The following DHX36 variants were observed in gnomAD, a reference collection of about 807,000 sequenced individuals.
DHX36 encodes ATP-dependent DNA/RNA helicase DHX36.
In DHX36, 50 loss-of-function variants were observed where a neutral mutation model predicts 139.0. The observed-to-expected ratio is 0.36, with a 90% CI of 0.29 to 0.46. DHX36 has a LOEUF of 0.46. Among genes scored for constraint, DHX36 ranks in the 20% least tolerant of loss-of-function variants. The pLI is 1.00. For synonymous variants in DHX36, 425 were observed against 401.9 expected (o/e 1.06, Z -0.69); for missense variants, 1,024 against 1,211.3 (o/e 0.85, Z 2.29).
At chr3:154,277,393 C>T (rs371111684) in intron 23 of DHX36, among the ~76,000 whole-genome samples, 2 of 151,942 alleles carry the variant, frequency 1.3e-5, no homozygotes, top group East Asian at 1.9e-4. Context: ...AATAACTGTC[C>T]TAACTAATTA....
intron 22 of DHX36, 195 bp from the exon 23 acceptor site, chr3:154,277,913 C>A: frequency 2.4e-6 from 1 of 410,580 alleles, no homozygotes; most frequent in East Asian, 3.9e-5. Flanking sequence ...AGCATAATTT[C>A]CTTAAAAATA....
intron 1 of DHX36, among the ~76,000 whole-genome samples, chr3:154,318,536 G>A (rs552221785): frequency 1.2e-4 from 18 of 151,338 alleles, no homozygotes; most frequent in African/African-American, 3.6e-4. Context: ...TGAATTACTG[G>A]ATAACATAAC....
chr3:154,310,028 G>A (rs898612752), intron 4 of DHX36, among the ~76,000 whole-genome samples: 18 of 152,086 alleles, frequency 1.2e-4, no homozygotes, highest in Non-Finnish European at 1.9e-4. Flanking sequence ...AAAGAACAAA[G>A]CCAAAGCACT....
chr3:154,281,965 C>T (rs920956947), intron 20 of DHX36, among the ~76,000 whole-genome samples: 2 of 152,160 alleles, frequency 1.3e-5, no homozygotes, highest in Non-Finnish European at 2.9e-5. Context: ...AGCATTTCAC[C>T]GTCAATGGGC....
intron 1 of DHX36, 99 bp from the exon 2 acceptor site, chr3:154,316,262 C>T: frequency 7.0e-7 from 1 of 1,435,182 alleles, no homozygotes; most frequent in East Asian, 2.4e-5. Context: ...AATATATGTT[C>T]AACAAATACA....
rs184678926 is a variant in DHX36 at position 154,315,961 on chromosome 3, G to A, written c.368+78C>T. 1.1e-4 allele frequency: 160 copies of A among 1,457,698 alleles called. 1 individual carries two copies. In the African/African-American group the frequency reaches 1.9e-3, roughly 18 times the overall value. The allele number at this position is 1,457,698 out of a possible 1,614,324, so 90.3% of individuals were successfully genotyped here. ...ACGTAAAGGTTAAAATTCACTTATC[G>A]AAGAAAATAAAGATGTTATTTTTAT... On this transcript the variant is annotated intron_variant, in intron 2 of 24. Coordinates refer to ENST00000496811, the MANE Select transcript of DHX36 (RefSeq NM_020865.3).
chr3:154,315,278 T>C lies in DHX36; in HGVS notation c.371A>G (p.Tyr124Cys), dbSNP rs138481688. 7.5e-6 allele frequency: 12 copies of C among 1,603,974 alleles called. No homozygotes were observed. In the Admixed American group the frequency reaches 2.1e-4, roughly 27 times the overall value. ...ISWFAPEDHG[Y>C]GTEVSTKNTP... ...GTTCTTAGTAGAAACTTCAGTACCG[T>C]ATCTGTTTTGACAAAATAAGAAAGG... The change falls in exon 3 of 25, where the codon TAC (tyrosine) becomes TGC (cysteine). Residue 124 changes from tyrosine to cysteine, a missense_variant and splice_region_variant. By Grantham distance (194) the Tyr-to-Cys change is radical. Transcript: ENST00000496811.
chr3:154,289,001 A>G, intron 16 of DHX36, 37 bp from the exon 17 acceptor site: 2 of 1,030,802 alleles, frequency 1.9e-6, no homozygotes, highest in Non-Finnish European at 1.4e-6. Flanking sequence ...AATACATATA[A>G]TATTAATATA....
In DHX36 at chr3:154,324,402, G is replaced by A. The variant is rs1311363345; in HGVS notation, c.15C>T (p.Tyr5=). 1 of 1,557,614 alleles carries A rather than the reference G, an allele frequency of 6.4e-7. No individual in the cohort carries two copies. Among genetic ancestry groups the A allele is most frequent in the South Asian group, 1.2e-5 (1 of 84,004 alleles). ...CCCCATCACGGCCCCAGTTCTGATGGTAGTCATAACTCATTGTCCTGGCAG... is the reference window on the plus strand; with the variant it reads ...CCCCATCACGGCCCCAGTTCTGATGATAGTCATAACTCATTGTCCTGGCAG... MSYD[Y]HQNWGRDGGP... is the part of the protein sequence containing the mutation. The change falls in exon 1 of 25, where the codon TAC becomes TAT. Residue 5 remains tyrosine, a synonymous_variant. Transcript: ENST00000496811.
rs114694133 is a variant in DHX36 at position 154,306,772 on chromosome 3, T to C, written c.814-477A>G. Among the ~76,000 whole-genome samples the C allele has an allele frequency of 3.6e-3, 544 of 152,276 alleles. 3 individuals are homozygous for C. The highest frequency in any genetic ancestry group is 4.6e-3 in the Non-Finnish European group (311 of 67,982). ...GGAAAGATGAAATGTTATAATCTAA[T>C]ACTGATTTGTACAACTAAAAGTAAC... On this transcript the variant is annotated intron_variant, in intron 5 of 24. Transcript: ENST00000496811.
chr3:154,281,691 A>T (rs1719340924), intron 20 of DHX36, among the ~76,000 whole-genome samples: 2 of 152,150 alleles, frequency 1.3e-5, no homozygotes, highest in South Asian at 4.1e-4. Flanking sequence ...GTTATATTTA[A>T]GTATATATCC....
chr3:154,315,264 A>G lies in DHX36; in HGVS notation c.385T>C (p.Ser129Pro). Residue 129 changes from serine to proline, a missense_variant, in exon 3 of 25, where the codon TCT (serine) becomes CCT (proline). By Grantham distance (74) the Ser-to-Pro change is moderately conservative (BLOSUM62 -1). Transcript: ENST00000496811. ...PEDHGYGTEV[S>P]TKNTPCSENK... Reference sequence around the variant, plus strand: ...TCTGAGCATGGTGTGTTCTTAGTAGAAACTTCAGTACCGTATCTGTTTTGA... The same window carrying G: ...TCTGAGCATGGTGTGTTCTTAGTAGGAACTTCAGTACCGTATCTGTTTTGA... 1 of 1,612,114 alleles carries G rather than the reference A, an allele frequency of 6.2e-7. No homozygotes were observed. Among genetic ancestry groups the G allele is most frequent in the Non-Finnish European group, 8.5e-7 (1 of 1,179,210 alleles).
chr3:154,286,177 A>AG (rs1559946798), intron 17 of DHX36, among the ~76,000 whole-genome samples: 1 of 128,200 alleles, frequency 7.8e-6, no homozygotes, highest in Admixed American at 8.3e-5. Context: ...AAAAAAAAAA[A>AG]AAAAAAAAAA....
At chr3:154,300,866 C>G in intron 10 of DHX36, 121 bp downstream of exon 10, 1 of 1,414,478 alleles carries the variant, frequency 7.1e-7, no homozygotes, top group Non-Finnish European at 9.8e-7. Context: ...ATATTTAGCT[C>G]GAATAAGAGA....
chr3:154,313,459 T>G (rs944960337), intron 3 of DHX36, among the ~76,000 whole-genome samples: 1 of 152,082 alleles, frequency 6.6e-6, no homozygotes, highest in African/African-American at 2.4e-5. Flanking sequence ...GTAGGAGGAT[T>G]GCTTGAGCCC....
In DHX36 at chr3:154,283,274, A is replaced by T; in HGVS notation, c.2293-3T>A. ...CGTCGCCTAGCCTCTTCCCAGCCCTATGGGGCAAAGAAATGAAGAAATCTA... is the reference window on the plus strand; with the variant it reads ...CGTCGCCTAGCCTCTTCCCAGCCCTTTGGGGCAAAGAAATGAAGAAATCTA... On this transcript the variant is annotated splice_polypyrimidine_tract_variant and splice_region_variant and intron_variant, in intron 19 of 24. Coordinates refer to ENST00000496811, the MANE Select transcript of DHX36 (RefSeq NM_020865.3). The T allele has an allele frequency of 1.2e-6, 2 of 1,603,928 alleles. No homozygotes were observed. The highest frequency in any genetic ancestry group is 2.7e-5 in the African/African-American group (2 of 74,856).
chr3:154,275,000 G>A lies in DHX36; in HGVS notation c.*1171C>T, dbSNP rs1386706574. 2.0e-5 allele frequency: 3 copies of A among 152,164 alleles called. No individual in the cohort carries two copies. The highest frequency in any genetic ancestry group is 3.9e-4 in the East Asian group (2 of 5,192). The allele number at this position is 152,164 out of a possible 1,614,324, so 9.4% of individuals were successfully genotyped here. ...ATATAATAGATTGTTAGACATTTAC[G>A]AAAATATTTCAGGGACAAATAACAA... On this transcript the variant is annotated 3_prime_UTR_variant, in exon 25 of 25. Transcript: ENST00000496811.
intron 2 of DHX36, among the ~76,000 whole-genome samples, chr3:154,315,497 T>C (rs112881924): frequency 4.6e-4 from 70 of 152,260 alleles, no homozygotes; most frequent in African/African-American, 1.6e-3. Flanking sequence ...GATTAAGTTA[T>C]TCCTTGTGAT....
chr3:154,319,503 T>G (rs1266503989), intron 1 of DHX36, among the ~76,000 whole-genome samples: 2 of 152,162 alleles, frequency 1.3e-5, no homozygotes, highest in African/African-American at 4.8e-5. Context: ...CCCGCCTGTA[T>G]CAGAATTTAT....
Sources: gnomAD v4.1 joint callset for allele counts (sites outside exome capture counted in the v4.1 genomes callset) on GRCh38, gnomAD v4.1.1 for gene constraint, MANE v1.5 for transcripts, NCBI Gene and HGNC (gene_info 2026-07-23, HGNC 2026-07-21) for gene names.